The following ZFP69B variants were observed in gnomAD, a reference collection of about 807,000 sequenced individuals.
ZFP69B encodes zinc finger protein 69 homolog B.
A neutral mutation model predicts 19.7 loss-of-function variants in ZFP69B; 20 were observed. The observed-to-expected ratio is 1.02, with a 90% CI of 0.71 to 1.48. The LOEUF (loss-of-function observed/expected upper bound fraction) is 1.48. ZFP69B is among the 40% of genes most tolerant of loss of function. The pLI is 0.00. For missense variants in ZFP69B, 583 were observed against 632.6 expected (o/e 0.92, Z 0.84); for synonymous variants, 220 against 222.7 (o/e 0.99, Z 0.11).
chr1:40,454,291 G>A lies in ZFP69B; in HGVS notation c.213+3G>A. ...GATCCCTGACAGCAGAATCCCAGGT[G>A]GGTTGGAGTTTCTGGTCACTTTCTT... On this transcript the variant is annotated splice_donor_region_variant and intron_variant, in intron 2 of 4. Coordinates refer to ENST00000361584, the MANE Select transcript of ZFP69B (RefSeq NM_023070.3). 6.4e-7 allele frequency: 1 copy of A among 1,566,682 alleles called. No homozygotes were observed. Among genetic ancestry groups the A allele is most frequent in the Non-Finnish European group, 8.7e-7 (1 of 1,154,148 alleles).
rs546603389 is a variant in ZFP69B at position 40,454,589 on chromosome 1, G to A, written c.213+301G>A. 1.1e-3 allele frequency among the ~76,000 whole-genome samples: 170 copies of A among 152,098 alleles called. No homozygotes were observed. In the South Asian group the frequency reaches 0.015, roughly 13 times the overall value. ...AATTTTTTGTATTTTTAGTAGAGAC[G>A]GGGTTTCACCGTGTTAGGCAGATGG... On this transcript the variant is annotated intron_variant, in intron 2 of 4. Transcript: ENST00000361584.
At chr1:40,454,123 C>T (rs1645211248) in intron 1 of ZFP69B, 80 bp from the exon 2 acceptor site, 2 of 1,124,734 alleles carry the variant, frequency 1.8e-6, no homozygotes, top group Non-Finnish European at 2.5e-6. Flanking sequence ...GGAGAAGCCA[C>T]AATGAGTGGG....
At chr1:40,453,956 C>T (rs1335453569) in intron 1 of ZFP69B, among the ~76,000 whole-genome samples, 1 of 152,024 alleles carries the variant, frequency 6.6e-6, no homozygotes, top group African/African-American at 2.4e-5. Flanking sequence ...GTGGGGAAAC[C>T]TTTGAGGATT....
intron 4 of ZFP69B, among the ~76,000 whole-genome samples, chr1:40,461,446 G>T (rs1216591487): frequency 6.6e-6 from 1 of 151,040 alleles, no homozygotes; most frequent in East Asian, 1.9e-4. Flanking sequence ...TTTTTTTTTG[G>T]AAATAAAGAA....
intron 1 of ZFP69B, 51 bp downstream of exon 1, chr1:40,451,139 T>C (rs1645182311): frequency 3.5e-6 from 5 of 1,440,400 alleles, no homozygotes; most frequent in Non-Finnish European, 2.8e-6. Context: ...CCCTCTAGTG[T>C]GAGAAGGAAT....
At position 40,451,061 on chromosome 1, in the gene ZFP69B, G is replaced by T. The variant is rs1376201768; in HGVS notation, c.100G>T (p.Asp34Tyr). 1 of 1,548,068 alleles carries T rather than the reference G, an allele frequency of 6.5e-7. No homozygotes were observed. The highest frequency in any genetic ancestry group is 8.7e-7 in the Non-Finnish European group (1 of 1,145,626). The change falls in exon 1 of 5, where the codon GAT becomes TAT. Residue 34 changes from aspartate to tyrosine, a missense_variant. By Grantham distance (160) the Asp-to-Tyr change is radical. Coordinates refer to ENST00000361584, the MANE Select transcript of ZFP69B (RefSeq NM_023070.3). ...CACGGAGCGGGTGGCCCTGTGGGAG[G>T]ATGTGACTAAGATGTTTAAAGCAGA... ...AATERVALWE[D>Y]VTKMFKAEAL...
At chr1:40,459,368 CCCAG>C (rs1198714775) in intron 4 of ZFP69B, among the ~76,000 whole-genome samples, 3 of 152,188 alleles carry the variant, frequency 2.0e-5, no homozygotes, top group Non-Finnish European at 4.4e-5. Context: ...GTACTTCAAA[CCCAG>C]TACATCCAAA....
chr1:40,457,204 A>G, intron 3 of ZFP69B, 133 bp downstream of exon 3: 1 of 1,499,064 alleles, frequency 6.7e-7, no homozygotes, highest in Middle Eastern at 1.7e-4. Context: ...CCCAGTCAGG[A>G]TTGCTATGCT....
chr1:40,456,221 C>G (rs908367041), intron 2 of ZFP69B, among the ~76,000 whole-genome samples: 8 of 152,194 alleles, frequency 5.3e-5, no homozygotes, highest in African/African-American at 1.9e-4. Context: ...ACACTCCCAC[C>G]AACAGTGTAA....
Position 40,462,457 on chromosome 1 carries a change from T to TCCC in ZFP69B, c.473_474insCCC (p.Leu158delinsPhePro). The TCCC allele has an allele frequency of 6.2e-7, 1 of 1,609,906 alleles. No individual in the cohort carries two copies. The highest frequency in any genetic ancestry group is 8.5e-7 in the Non-Finnish European group (1 of 1,178,868). ...AAAACAAAAACCAAAGAGTCAGCCT[T>TCCC]ACAGAATGATATTTCGTGGGAAGAA... On this transcript the variant is annotated protein_altering_variant, in exon 5 of 5. Transcript: ENST00000361584.
intron 4 of ZFP69B, among the ~76,000 whole-genome samples, chr1:40,459,061 G>C (rs930731989): frequency 6.6e-6 from 1 of 152,148 alleles, no homozygotes; most frequent in Non-Finnish European, 1.5e-5. Flanking sequence ...AGACCTTTGT[G>C]ACTTCACTCA....
At chr1:40,454,122 A>G in intron 1 of ZFP69B, 81 bp from the exon 2 acceptor site, 1 of 1,109,944 alleles carries the variant, frequency 9.0e-7, no homozygotes, top group Non-Finnish European at 1.3e-6. Context: ...GGGAGAAGCC[A>G]CAATGAGTGG....
chr1:40,451,565 G>A (rs909687634), intron 1 of ZFP69B, among the ~76,000 whole-genome samples: 1 of 150,714 alleles, frequency 6.6e-6, no homozygotes, highest in African/African-American at 2.4e-5. Context: ...GACAGATTTG[G>A]GAAAGCTTAA....
intron 1 of ZFP69B, among the ~76,000 whole-genome samples, 171 bp downstream of exon 1, chr1:40,451,259 C>T (rs1185747881): frequency 1.3e-5 from 2 of 152,150 alleles, no homozygotes; most frequent in African/African-American, 4.8e-5. Context: ...GTGGTCTTTT[C>T]AGCCTAGGAC....
intron 1 of ZFP69B, among the ~76,000 whole-genome samples, chr1:40,451,886 G>A (rs1460937099): frequency 1.3e-5 from 2 of 152,118 alleles, no homozygotes; most frequent in African/African-American, 4.8e-5. Context: ...CAAGGTGGGC[G>A]GATTGCTTGA....
Position 40,454,187 on chromosome 1 carries a change from T to C in ZFP69B, c.128-16T>C. ...TTTGGGGAGATGCAAACCTCATGGC[T>C]CTTTTCCTTCCCCAGCTCTGCTGTC... On this transcript the variant is annotated splice_polypyrimidine_tract_variant and intron_variant, in intron 1 of 4. Coordinates refer to ENST00000361584, the MANE Select transcript of ZFP69B (RefSeq NM_023070.3). The C allele has an allele frequency of 6.3e-7, 1 of 1,577,718 alleles. No homozygotes were observed. Among genetic ancestry groups the C allele is most frequent in the Non-Finnish European group, 8.6e-7 (1 of 1,160,340 alleles).
In ZFP69B at chr1:40,463,263, AC is replaced by A. The variant is rs748501212; in HGVS notation, c.1281del (p.Phe428SerfsTer7). On this transcript the variant is annotated frameshift_variant, in exon 5 of 5. Coordinates refer to ENST00000361584, the MANE Select transcript of ZFP69B (RefSeq NM_023070.3). LOFTEE classifies it low-confidence loss of function (END_TRUNC). Reference sequence around the variant, plus strand: ...CTATATTTGTAATGTATGTAGTAAAACCTTCAGCCATAGTACATACCTAACT... The same window carrying A: ...CTATATTTGTAATGTATGTAGTAAAACTTCAGCCATAGTACATACCTAACT... ...KPYICNVCSK[T>X]FSHSTYLTQH... 1 of 1,614,126 alleles carries A rather than the reference AC, an allele frequency of 6.2e-7. No homozygotes were observed. Among genetic ancestry groups the A allele is most frequent in the Admixed American group, 1.7e-5 (1 of 60,018 alleles).
chr1:40,450,898 TC>T lies in ZFP69B; in HGVS notation c.-63del. On this transcript the variant is annotated 5_prime_UTR_variant, in exon 1 of 5. Coordinates refer to ENST00000361584, the MANE Select transcript of ZFP69B (RefSeq NM_023070.3). ...GTCAGAGCTTCCAGCAATTTCCTCA[TC>T]AGAGGTGGACAAGCCCTATGGGCTA... 2 of 1,425,144 alleles carry T rather than the reference TC, an allele frequency of 1.4e-6. No homozygotes were observed. The highest frequency in any genetic ancestry group is 1.8e-6 in the Non-Finnish European group (2 of 1,082,856). The allele number at this position is 1,425,144 out of a possible 1,614,324, so 88.3% of individuals were successfully genotyped here. A position where few individuals can be genotyped will look rare whatever the true frequency, so the allele number is the denominator to read the frequency against.
At chr1:40,460,979 CA>C (rs35932276) in intron 4 of ZFP69B, among the ~76,000 whole-genome samples, 18,302 of 75,466 alleles carry the variant, frequency 0.24, 1,283 homozygotes, top group African/African-American at 0.33. Flanking sequence ...GACTTTGTCT[CA>C]AAAAAAAAAA....
Sources: allele counts gnomAD v4.1 joint callset (sites outside exome capture counted in the v4.1 genomes callset), GRCh38; gene constraint gnomAD v4.1.1; transcripts MANE v1.5; gene names NCBI Gene and HGNC (gene_info 2026-07-23, HGNC 2026-07-21).